The following B3GLCT variants were observed in gnomAD, a reference collection of about 807,000 sequenced individuals.
B3GLCT encodes the protein beta 3-glucosyltransferase.
A neutral mutation model predicts 63.4 loss-of-function variants in B3GLCT; 65 were observed. The observed-to-expected ratio is 1.03, with a 90% CI of 0.84 to 1.26. The LOEUF is 1.26. Ranked by LOEUF, B3GLCT falls within the 50% of genes most tolerant of loss-of-function variation. The pLI, the probability that B3GLCT is intolerant of heterozygous loss-of-function variation, is 0.00. For synonymous variants in B3GLCT, 233 were observed against 219.2 expected, an observed-to-expected ratio of 1.06 and a Z score of -0.55; for missense variants, 577 against 604.8, an observed-to-expected ratio of 0.95 and a Z score of 0.48.
chr13:31,269,887 C>G (rs1249099009), intron 8 of B3GLCT, among the ~76,000 whole-genome samples: 1 of 152,184 alleles, frequency 6.6e-6, no homozygotes, highest in Non-Finnish European at 1.5e-5. Flanking sequence ...CTTAGACTTC[C>G]CAGCCCCTAG....
Position 31,317,977 on chromosome 13 carries a change from G to GA in B3GLCT, c.1184+302dup, listed in dbSNP as rs71699160. On this transcript the variant is annotated intron_variant, in intron 13 of 14. Coordinates refer to ENST00000343307, the MANE Select transcript of B3GLCT (RefSeq NM_194318.4). ...CTAGTTTTGATTGTCTATTTAAATGGAAAAAAAAAATTGGTTATAGATTTT... is the reference window on the plus strand; with the variant it reads ...CTAGTTTTGATTGTCTATTTAAATGGAAAAAAAAAAATTGGTTATAGATTTT... Among the ~76,000 whole-genome samples the GA allele has an allele frequency of 0.22, 31,602 of 143,502 alleles. 3,592 individuals carry two copies. The highest frequency in any genetic ancestry group is 0.27 in the African/African-American group (10,680 of 39,078). 94.1% of individuals were successfully genotyped at this position (143,502 alleles called of 152,430 possible).
intron 12 of B3GLCT, among the ~76,000 whole-genome samples, chr13:31,301,337 G>T (rs1369776150): frequency 6.6e-6 from 1 of 152,126 alleles, no homozygotes; most frequent in African/African-American, 2.4e-5. Context: ...GCACTATGTG[G>T]GCCTGGGCAG....
At chr13:31,261,651 T>C (rs1872038947) in intron 7 of B3GLCT, among the ~76,000 whole-genome samples, 1 of 152,180 alleles carries the variant, frequency 6.6e-6, no homozygotes. Context: ...AGAAGTATGG[T>C]TGTTGACAAG....
At chr13:31,223,430 A>G (rs1237559596) in intron 3 of B3GLCT, among the ~76,000 whole-genome samples, 1 of 152,162 alleles carries the variant, frequency 6.6e-6, no homozygotes, top group Non-Finnish European at 1.5e-5. Context: ...AGACACCTCC[A>G]TGCCTTTCAG....
chr13:31,218,914 A>G (rs1869686750), intron 2 of B3GLCT, among the ~76,000 whole-genome samples: 1 of 143,014 alleles, frequency 7.0e-6, no homozygotes, highest in Admixed American at 7.6e-5. Context: ...AAGGATGCTG[A>G]ATTTTATCAG....
chr13:31,242,901 GTTA>G (rs2137798117), intron 4 of B3GLCT, among the ~76,000 whole-genome samples: 1 of 152,202 alleles, frequency 6.6e-6, no homozygotes, highest in Non-Finnish European at 1.5e-5. Context: ...TAGAAGGTAT[GTTA>G]TTATAACATC....
intron 10 of B3GLCT, among the ~76,000 whole-genome samples, chr13:31,282,306 G>T (rs917441750): frequency 3.3e-5 from 5 of 152,114 alleles, no homozygotes; most frequent in Non-Finnish European, 7.4e-5. Context: ...AAAGCCTTAA[G>T]CTGTTTTTTT....
At chr13:31,291,994 T>C (rs1873683925) in intron 12 of B3GLCT, among the ~76,000 whole-genome samples, 1 of 152,240 alleles carries the variant, frequency 6.6e-6, no homozygotes, top group African/African-American at 2.4e-5. Flanking sequence ...ATTTCATCAA[T>C]ACCTAGTTTA....
intron 1 of B3GLCT, among the ~76,000 whole-genome samples, chr13:31,210,724 C>A (rs1438689209): frequency 6.6e-6 from 1 of 152,060 alleles, no homozygotes; most frequent in Non-Finnish European, 1.5e-5. Flanking sequence ...AGTGCCTTCA[C>A]AATATATTTG....
intron 4 of B3GLCT, among the ~76,000 whole-genome samples, chr13:31,245,703 T>C (rs973138697): frequency 6.6e-6 from 1 of 152,196 alleles, no homozygotes; most frequent in East Asian, 1.9e-4. Context: ...TATTCCAAAG[T>C]TTTATGCAAA....
At chr13:31,259,239 A>G (rs1015784823) in intron 6 of B3GLCT, among the ~76,000 whole-genome samples, 3 of 151,926 alleles carry the variant, frequency 2.0e-5, no homozygotes, top group East Asian at 1.9e-4. Flanking sequence ...ATCTCCTTCT[A>G]TTTTTCACTT....
chr13:31,297,820 A>G (rs1433793352), intron 12 of B3GLCT, among the ~76,000 whole-genome samples: 1 of 152,164 alleles, frequency 6.6e-6, no homozygotes, highest in Non-Finnish European at 1.5e-5. Flanking sequence ...CTCAGAACTC[A>G]GGGAAATACT....
chr13:31,220,370 C>T lies in B3GLCT; in HGVS notation c.121-2582C>T, dbSNP rs991643777. Among the ~76,000 whole-genome samples the T allele has an allele frequency of 9.2e-5, 14 of 152,170 alleles. No individual in the cohort carries two copies. In the East Asian group the frequency reaches 2.7e-3, roughly 29 times the overall value. Reference sequence around the variant, plus strand: ...TTTTCCTGGCTAGCATAGGAGCTTTCTGTGGGGTAGAGATTAATGGCAAAT... The same window carrying T: ...TTTTCCTGGCTAGCATAGGAGCTTTTTGTGGGGTAGAGATTAATGGCAAAT... On this transcript the variant is annotated intron_variant, in intron 2 of 14. Coordinates refer to ENST00000343307, the MANE Select transcript of B3GLCT (RefSeq NM_194318.4).
chr13:31,230,457 A>C (rs1045887066), intron 4 of B3GLCT, among the ~76,000 whole-genome samples: 2 of 152,374 alleles, frequency 1.3e-5, no homozygotes, highest in Middle Eastern at 3.4e-3. Context: ...TGGAAAATAA[A>C]GGGTCAGAAA....
At chr13:31,231,324 A>G (rs1566052327) in intron 4 of B3GLCT, among the ~76,000 whole-genome samples, 2 of 152,186 alleles carry the variant, frequency 1.3e-5, no homozygotes, top group Non-Finnish European at 2.9e-5. Context: ...ACAGTTAGGC[A>G]TCCCTTACTC....
At chr13:31,266,105 C>G (rs1872297932) in intron 7 of B3GLCT, among the ~76,000 whole-genome samples, 1 of 152,140 alleles carries the variant, frequency 6.6e-6, no homozygotes, top group African/African-American at 2.4e-5. Context: ...TCACGCCATT[C>G]TCCTGCCTCA....
chr13:31,277,366 T>C (rs1216327635), intron 10 of B3GLCT, among the ~76,000 whole-genome samples: 2 of 151,832 alleles, frequency 1.3e-5, no homozygotes, highest in African/African-American at 4.9e-5. Context: ...ATTACAGAAT[T>C]CTGCTAAGTT....
rs951598134 is a variant in B3GLCT, at chr13:31,331,163, T to G, written c.*1495T>G. ...CTAGATCGCTTCAAGCCTATACTGATGGCCTTAGCTTTGTTCAGTCATTGT... is the reference window on the plus strand; with the variant it reads ...CTAGATCGCTTCAAGCCTATACTGAGGGCCTTAGCTTTGTTCAGTCATTGT... On this transcript the variant is annotated 3_prime_UTR_variant, in exon 15 of 15. Transcript: ENST00000343307. The G allele has an allele frequency of 4.6e-5, 7 of 152,370 alleles. No individual in the cohort carries two copies. Among genetic ancestry groups the G allele is most frequent in the African/African-American group, 1.7e-4 (7 of 41,590 alleles). 9.4% of individuals were successfully genotyped at this position (152,370 alleles called of 1,614,324 possible).
chr13:31,230,348 G>A (rs151051451), intron 4 of B3GLCT, among the ~76,000 whole-genome samples: 1 of 152,258 alleles, frequency 6.6e-6, no homozygotes, highest in East Asian at 1.9e-4. Context: ...CGAAGTGCTT[G>A]CCTGTAGATA....
Sources: gnomAD v4.1 joint callset for allele counts (sites outside exome capture counted in the v4.1 genomes callset) on GRCh38, gnomAD v4.1.1 for gene constraint, MANE v1.5 for transcripts, NCBI Gene and HGNC (gene_info 2026-07-23, HGNC 2026-07-21) for gene names.